NT5DC3: variants seen among roughly 807,000 people sequenced by gnomAD.
NT5DC3 encodes the protein 5'-nucleotidase domain containing 3.
A neutral mutation model predicts 67.8 loss-of-function variants in NT5DC3; 42 were observed. That is an observed-to-expected ratio of 0.62 (90% CI 0.48 to 0.80). The LOEUF is 0.80. NT5DC3 is among the 30% of genes least tolerant of loss of function. NT5DC3 has a pLI of 0.00. For synonymous variants in NT5DC3, 237 were observed against 255.6 expected, an observed-to-expected ratio of 0.93 and a Z score of 0.69; for missense variants, 570 against 696.4, an observed-to-expected ratio of 0.82 and a Z score of 2.04.
chr12:103,762,374 G>A, the NT5DC3 span: 327 of 1,614,194 alleles, frequency 2.0e-4, 3 homozygotes, highest in South Asian at 3.0e-3. Context: ...CGGATAAACC[G>A]GAGAACAATC....
chr12:103,837,033 A>G (rs1034710910), intron 1 of NT5DC3, among the ~76,000 whole-genome samples: 1 of 152,206 alleles, frequency 6.6e-6, no homozygotes. Flanking sequence ...CCGTCTCTGC[A>G]GCAAACTTTT....
chr12:103,759,090 C>T, the NT5DC3 span: 1 of 1,613,932 alleles, frequency 6.2e-7, no homozygotes, highest in Non-Finnish European at 8.5e-7. Context: ...CAAAATATTG[C>T]TTGGCCTTTG....
chr12:103,763,436 T>G, the NT5DC3 span: 1 of 1,547,758 alleles, frequency 6.5e-7, no homozygotes, highest in Non-Finnish European at 8.9e-7. Context: ...CCAACTTGGC[T>G]GAGACGCTCC....
chr12:103,822,486 T>G (rs367941094), intron 1 of NT5DC3, among the ~76,000 whole-genome samples: 1 of 152,254 alleles, frequency 6.6e-6, no homozygotes, highest in African/African-American at 2.4e-5. Context: ...ACAGGTGGAA[T>G]TGCAAATGTC....
At chr12:103,763,225 A>G in the NT5DC3 span, 1 of 395,692 alleles carries the variant, frequency 2.5e-6, no homozygotes, top group South Asian at 3.5e-5. Flanking sequence ...CCAGCAGGCT[A>G]AGAGCATGTG....
Position 103,796,981 on chromosome 12 carries a change from G to C in NT5DC3, c.666C>G (p.Pro222=). Residue 222 remains proline (P), a synonymous_variant, in exon 6 of 14, where the codon CCC becomes CCG. Transcript: ENST00000392876. ...MKQFMDIFSL[P]EMTLLSCVNE... ...TCACGCAGGACAGGAGGGTCATCTC[G>C]GGCAGGGAGAAGATGTCCATGAACT... 1 of 1,614,000 alleles carries C rather than the reference G, an allele frequency of 6.2e-7. No homozygotes were observed. Among genetic ancestry groups the C allele is most frequent in the Non-Finnish European group, 8.5e-7 (1 of 1,179,944 alleles).
At position 103,817,364 on chromosome 12, in the gene NT5DC3, T is replaced by G. The variant is rs548536225; in HGVS notation, c.209-2243A>C. On this transcript the variant is annotated intron_variant, in intron 1 of 13. Transcript: ENST00000392876. ...ATTTTGCTAAAATTATATATGACAGTTTTTTTTTCACCTTTTATGATGTTT... is the reference window on the plus strand; with the variant it reads ...ATTTTGCTAAAATTATATATGACAGGTTTTTTTTCACCTTTTATGATGTTT... 3.8e-3 allele frequency among the ~76,000 whole-genome samples: 574 copies of G among 151,048 alleles called. 5 individuals are homozygous for G. The highest frequency in any genetic ancestry group is 0.013 in the African/African-American group (538 of 41,214).
At chr12:103,831,615 G>A (rs1887930004) in intron 1 of NT5DC3, among the ~76,000 whole-genome samples, 1 of 152,046 alleles carries the variant, frequency 6.6e-6, no homozygotes, top group Admixed American at 6.5e-5. Flanking sequence ...AGCACTCTGT[G>A]GCCACCAGGT....
chr12:103,834,669 CT>C (rs1373741247), intron 1 of NT5DC3, among the ~76,000 whole-genome samples: 3 of 151,994 alleles, frequency 2.0e-5, no homozygotes, highest in African/African-American at 4.8e-5. Context: ...TTCTGTAAAT[CT>C]AAAGCTGATC....
chr12:103,750,536 T>C, the NT5DC3 span: 1 of 1,608,012 alleles, frequency 6.2e-7, no homozygotes, highest in Non-Finnish European at 8.5e-7. Flanking sequence ...CCTGGGGTCC[T>C]AGAGAAGGAA....
At chr12:103,808,128 G>A (rs976729102) in intron 2 of NT5DC3, among the ~76,000 whole-genome samples, 2 of 152,080 alleles carry the variant, frequency 1.3e-5, no homozygotes, top group Non-Finnish European at 2.9e-5. Flanking sequence ...CTCAGAATTA[G>A]GACACAAGCT....
intron 4 of NT5DC3, among the ~76,000 whole-genome samples, chr12:103,802,875 C>A (rs1886642592): frequency 6.6e-6 from 1 of 152,114 alleles, no homozygotes; most frequent in Non-Finnish European, 1.5e-5. Flanking sequence ...CAAACCTAAG[C>A]CTAAGCATAT....
intron 6 of NT5DC3, among the ~76,000 whole-genome samples, chr12:103,795,694 AAT>A (rs1593399323): frequency 1.3e-5 from 2 of 152,012 alleles, no homozygotes; most frequent in Admixed American, 6.6e-5. Context: ...TATTTTTATA[AAT>A]ATGTTATAAC....
rs968136325 is a variant in NT5DC3, at chr12:103,806,333, T to C, written c.513A>G (p.Gly171=). Residue 171 remains glycine, a synonymous_variant, in exon 4 of 14, where the codon GGA becomes GGG. Transcript: ENST00000392876. ...CCTCTTACTCTTACCTGTAGACAGT[T>C]CCCAGCTGGATATAATGAAAAGCAT... is the stretch of plus-strand genomic sequence containing the variant. ...KIDAFHYIQL[G]TVYRGLSVVP... is the part of the protein sequence containing the mutation. 2 of 1,604,162 alleles carry C rather than the reference T, an allele frequency of 1.2e-6. No homozygotes were observed. Among genetic ancestry groups the C allele is most frequent in the African/African-American group, 2.7e-5 (2 of 74,728 alleles).
the NT5DC3 span, chr12:103,754,965 G>T: frequency 1.4e-5 from 3 of 210,998 alleles, no homozygotes; most frequent in East Asian, 1.1e-4. Flanking sequence ...AAAAAAATTT[G>T]AGTTCTATCA....
At chr12:103,839,975 T>C (rs906805085) in intron 1 of NT5DC3, among the ~76,000 whole-genome samples, 3 of 152,136 alleles carry the variant, frequency 2.0e-5, no homozygotes, top group Non-Finnish European at 4.4e-5. Context: ...ATATACAAAT[T>C]TCGGTTCTGA....
chr12:103,825,720 A>T (rs1303735875), intron 1 of NT5DC3, among the ~76,000 whole-genome samples: 1 of 152,246 alleles, frequency 6.6e-6, no homozygotes, highest in Non-Finnish European at 1.5e-5. Flanking sequence ...GGCTGCAATG[A>T]GCTTGACTGT....
At chr12:103,840,422 T>TC (rs1566137827) in intron 1 of NT5DC3, among the ~76,000 whole-genome samples, 57 of 125,544 alleles carry the variant, frequency 4.5e-4, no homozygotes, top group South Asian at 1.9e-3. Context: ...TCTCATCTCA[T>TC]TCCATCCCAT....
the NT5DC3 span, chr12:103,763,454 G>T: frequency 6.3e-7 from 1 of 1,596,914 alleles, no homozygotes; most frequent in Non-Finnish European, 8.6e-7. Context: ...TCCTGCTTTG[G>T]GGATGCTCCT....
Sources: gnomAD v4.1 joint callset for allele counts (sites outside exome capture counted in the v4.1 genomes callset) on GRCh38, gnomAD v4.1.1 for gene constraint, MANE v1.5 for transcripts, NCBI Gene and HGNC (gene_info 2026-07-23, HGNC 2026-07-21) for gene names.